Variants in TENM3 observed in about 807,000 individuals in gnomAD.
TENM3 encodes the protein teneurin transmembrane protein 3.
In TENM3, 63 loss-of-function variants were observed where a neutral mutation model predicts 255.1. That is an observed-to-expected ratio of 0.25 (90% CI 0.20 to 0.30). The LOEUF (loss-of-function observed/expected upper bound fraction) is 0.30. TENM3 is among the 10% of genes least tolerant of loss of function. TENM3 has a pLI of 1.00. For missense variants in TENM3, 2,929 were observed against 3,461.1 expected (o/e 0.85, Z 3.86); for synonymous variants, 1,306 against 1,322.3 (o/e 0.99, Z 0.27).
chr4:181,555,902 G>A, the TENM3 span, among the ~76,000 whole-genome samples: 1 of 152,196 alleles, frequency 6.6e-6, no homozygotes, highest in Non-Finnish European at 1.5e-5. Flanking sequence ...GGGCCATGAA[G>A]CTTGGCAGTG....
chr4:182,474,163 A>T (rs1023121421), intron 3 of TENM3, among the ~76,000 whole-genome samples: 3 of 152,086 alleles, frequency 2.0e-5, no homozygotes, highest in African/African-American at 7.2e-5. Flanking sequence ...CCTGAAATGA[A>T]TTCCTTTGCA....
chr4:182,524,745 C>T (rs1476050200), intron 3 of TENM3, among the ~76,000 whole-genome samples: 1 of 148,834 alleles, frequency 6.7e-6, no homozygotes, highest in East Asian at 2.0e-4. Context: ...GGGCCAGGCA[C>T]AGTGGCTCAT....
At chr4:181,649,624 G>T in the TENM3 span, among the ~76,000 whole-genome samples, 1 of 152,180 alleles carries the variant, frequency 6.6e-6, no homozygotes, top group Non-Finnish European at 1.5e-5. Context: ...ATGTGTTCGT[G>T]TGTTTTGACT....
At chr4:181,544,714 T>C in the TENM3 span, among the ~76,000 whole-genome samples, 2 of 152,224 alleles carry the variant, frequency 1.3e-5, no homozygotes, top group Non-Finnish European at 2.9e-5. Context: ...GGTGCCACCA[T>C]AGGATTCCAT....
the TENM3 span, among the ~76,000 whole-genome samples, chr4:182,059,890 G>A: frequency 1.1e-4 from 16 of 152,142 alleles, no homozygotes; most frequent in African/African-American, 3.1e-4. Flanking sequence ...CCATGATTGT[G>A]CCACTGCACT....
At chr4:181,468,366 A>C in the TENM3 span, among the ~76,000 whole-genome samples, 1 of 151,902 alleles carries the variant, frequency 6.6e-6, no homozygotes, top group Non-Finnish European at 1.5e-5. Context: ...CCCTTCCTTT[A>C]TTTTCTTTTT....
At chr4:182,355,478 A>G (rs1028851663) in intron 3 of TENM3, among the ~76,000 whole-genome samples, 26 of 152,146 alleles carry the variant, frequency 1.7e-4, no homozygotes, top group African/African-American at 5.5e-4. Flanking sequence ...AAGGAGAGCA[A>G]CCTCCCTGGG....
Position 182,628,715 on chromosome 4 carries a change from A to G in TENM3, c.814A>G (p.Thr272Ala), listed in dbSNP as rs1240027138. The G allele has an allele frequency of 6.2e-7, 1 of 1,608,854 alleles. No individual in the cohort carries two copies. Among genetic ancestry groups the G allele is most frequent in the East Asian group, 2.2e-5 (1 of 44,744 alleles). Residue 272 changes from threonine to alanine, a missense_variant, in exon 5 of 28, where the codon ACA becomes GCA. By Grantham distance (58) the Thr-to-Ala change is moderately conservative. This residue lies in a region of TENM3 where 1,608 missense variants were observed against 1,884.4 expected (regional missense o/e 0.85). Transcript: ENST00000511685. Reference protein sequence around the residue: ...PLFSTATPGYTMASGSVYSPP... With the variant: ...PLFSTATPGYAMASGSVYSPP... ...GTTCAGTACTGCAACCCCAGGATAC[A>G]CAATGGCATCTGGCTCTGTTTATTC...
At chr4:182,794,563 C>CT (rs1766352010) in intron 26 of TENM3, among the ~76,000 whole-genome samples, 1 of 152,226 alleles carries the variant, frequency 6.6e-6, no homozygotes, top group Non-Finnish European at 1.5e-5. Flanking sequence ...TCACTTCTGT[C>CT]TTCTTACATC....
At chr4:181,551,367 A>T in the TENM3 span, among the ~76,000 whole-genome samples, 1 of 152,154 alleles carries the variant, frequency 6.6e-6, no homozygotes. Context: ...GCAGATACAC[A>T]CTCAGGGACT....
chr4:182,503,882 A>C (rs142781563), intron 3 of TENM3, among the ~76,000 whole-genome samples: 108 of 152,114 alleles, frequency 7.1e-4, no homozygotes, highest in African/African-American at 2.0e-3. Context: ...TAATATCACC[A>C]TCTCTGTGAT....
At chr4:181,612,654 C>A in the TENM3 span, among the ~76,000 whole-genome samples, 2 of 152,006 alleles carry the variant, frequency 1.3e-5, no homozygotes, top group African/African-American at 4.8e-5. Flanking sequence ...GTGTGTTTTC[C>A]TTTTCTTTTT....
chr4:181,553,278 TGTGTGTGTGTGTGTGTGTGTA>T, the TENM3 span, among the ~76,000 whole-genome samples: 9,955 of 137,376 alleles, frequency 0.072, 459 homozygotes, highest in South Asian at 0.11. Flanking sequence ...TGTGTGTGTG[TGTGTGTGTGTGTGTGTGTGTA>T]GTGTGTGTGT....
chr4:181,830,660 A>T, the TENM3 span, among the ~76,000 whole-genome samples: 1 of 152,174 alleles, frequency 6.6e-6, no homozygotes, highest in Non-Finnish European at 1.5e-5. Flanking sequence ...GTAAAGAGAC[A>T]AAGATTGGGT....
the TENM3 span, among the ~76,000 whole-genome samples, chr4:182,048,207 G>T: frequency 6.6e-5 from 10 of 152,074 alleles, no homozygotes; most frequent in Non-Finnish European, 1.0e-4. Context: ...CATGATGATG[G>T]ATACTAAACT....
intron 1 of TENM3, among the ~76,000 whole-genome samples, chr4:182,247,507 A>G (rs1757734556): frequency 6.6e-6 from 1 of 152,218 alleles, no homozygotes; most frequent in Non-Finnish European, 1.5e-5. Context: ...TGGAACGAGC[A>G]GCTTCACAAA....
chr4:181,573,367 A>C, the TENM3 span, among the ~76,000 whole-genome samples: 1 of 152,094 alleles, frequency 6.6e-6, no homozygotes, highest in East Asian at 1.9e-4. Flanking sequence ...AAGAGTGTAC[A>C]CAGATTCCCT....
At chr4:182,340,950 C>T (rs1241906518) in intron 2 of TENM3, among the ~76,000 whole-genome samples, 2 of 151,888 alleles carry the variant, frequency 1.3e-5, no homozygotes, top group African/African-American at 4.8e-5. Flanking sequence ...CCATTTTTTC[C>T]CATATTCAAT....
chr4:181,734,433 C>T, the TENM3 span, among the ~76,000 whole-genome samples: 4 of 152,040 alleles, frequency 2.6e-5, no homozygotes, highest in Admixed American at 6.6e-5. Flanking sequence ...CCCCCTACAT[C>T]ACCAACACAT....
Sources: allele counts gnomAD v4.1 joint callset (sites outside exome capture counted in the v4.1 genomes callset), GRCh38; gene constraint gnomAD v4.1.1; regional missense constraint gnomAD v4.1.1; transcripts MANE v1.5; gene names NCBI Gene and HGNC (gene_info 2026-07-23, HGNC 2026-07-21).